Variants in METTL3 observed in about 807,000 individuals in gnomAD.
METTL3 encodes methyltransferase 3, N6-adenosine-methyltransferase complex catalytic subunit, also known as N(6)-adenosine-methyltransferase catalytic subunit METTL3.
METTL3 carries 42 observed loss-of-function variants against 64.3 expected under a neutral mutation model. That is an observed-to-expected ratio of 0.65 (90% CI 0.51 to 0.84). The LOEUF is 0.84. Among genes scored for constraint, METTL3 ranks in the 40% least tolerant of loss-of-function variants. METTL3 has a pLI of 0.00. For synonymous variants in METTL3, 256 were observed against 263.6 expected (o/e 0.97, Z 0.28); for missense variants, 435 against 722.3 (o/e 0.60, Z 4.56).
intron 1 of METTL3, among the ~76,000 whole-genome samples, chr14:21,509,136 T>C (rs370102550): frequency 2.0e-5 from 3 of 151,956 alleles, no homozygotes; most frequent in Non-Finnish European, 4.4e-5. Flanking sequence ...GCTCAGGAGT[T>C]AGAGATCAGC....
chr14:21,504,551 G>A (rs1283428649), intron 1 of METTL3: 1 of 152,256 alleles, frequency 6.6e-6, no homozygotes, highest in Non-Finnish European at 1.5e-5. Flanking sequence ...AAATATAGAT[G>A]AAATATTAAA....
chr14:21,498,323 C>G lies in METTL3; in HGVS notation c.1678G>C (p.Asp560His). The change falls in exon 11 of 11, where the codon GAT becomes CAT. Residue 560 changes from aspartate to histidine, a missense_variant. Physicochemically the swap from Asp to His is moderately conservative, Grantham distance 81 (BLOSUM62 -1). Coordinates refer to ENST00000298717, the MANE Select transcript of METTL3 (RefSeq NM_019852.5). ...QLDGIHLLDPDVVARFKQRYP... is the reference protein window; with the variant it reads ...QLDGIHLLDPHVVARFKQRYP... ...CTTTGCTTGAACCGTGCAACCACAT[C>G]TGGGTCTAGTAGGTGGATCCCATCC... 6.2e-7 allele frequency: 1 copy of G among 1,614,170 alleles called. No homozygotes were observed. Among genetic ancestry groups the G allele is most frequent in the Non-Finnish European group, 8.5e-7 (1 of 1,180,028 alleles).
intron 6 of METTL3, 111 bp from the exon 7 acceptor site, chr14:21,499,913 A>T: frequency 1.1e-6 from 1 of 941,598 alleles, no homozygotes; most frequent in Non-Finnish European, 1.7e-6. Context: ...CGCTCAGTGA[A>T]CATTTACATG....
chr14:21,511,254 T>C lies in METTL3; in HGVS notation c.-31A>G. 6.2e-7 allele frequency: 1 copy of C among 1,604,718 alleles called. No homozygotes were observed. Among genetic ancestry groups the C allele is most frequent in the Non-Finnish European group, 8.5e-7 (1 of 1,175,870 alleles). On this transcript the variant is annotated 5_prime_UTR_variant, in exon 1 of 11. Coordinates refer to ENST00000298717, the MANE Select transcript of METTL3 (RefSeq NM_019852.5). ...TCTCCCAGCCCTGACACCTCTCGAATAAGGCGCGGCGGACTAGCACCTCCC... is the reference window on the plus strand; with the variant it reads ...TCTCCCAGCCCTGACACCTCTCGAACAAGGCGCGGCGGACTAGCACCTCCC...
At chr14:21,500,301 T>C (rs916766115) in intron 6 of METTL3, among the ~76,000 whole-genome samples, 194 bp downstream of exon 6, 7 of 151,348 alleles carry the variant, frequency 4.6e-5, no homozygotes, top group African/African-American at 1.7e-4. Flanking sequence ...GAGGTGGAGG[T>C]TGCAGTGAGC....
chr14:21,502,341 A>G (rs1401429542), intron 3 of METTL3: 2 of 156,884 alleles, frequency 1.3e-5, no homozygotes, highest in Admixed American at 6.1e-5. Context: ...AGCTAACTTA[A>G]TATTGGAAAA....
chr14:21,499,120 A>T lies in METTL3; in HGVS notation c.1536T>A (p.His512Gln). The T allele has an allele frequency of 6.2e-7, 1 of 1,614,010 alleles. No homozygotes were observed. Among genetic ancestry groups the T allele is most frequent in the Non-Finnish European group, 8.5e-7 (1 of 1,179,884 alleles). ...VIVAEVRSTS[H>Q]KPDEIYGMIE... ...TCATGCCATAGATTTCATCTGGTTT[A>T]TGACTGGTGGAACGAACCTAGGAAA... Residue 512 changes from histidine to glutamine, a missense_variant, in exon 10 of 11, where the codon CAT becomes CAA. This residue lies in a region of METTL3 where 38 missense variants were observed against 102.3 expected (regional missense o/e 0.37). Coordinates refer to ENST00000298717, the MANE Select transcript of METTL3 (RefSeq NM_019852.5).
intron 6 of METTL3, 132 bp downstream of exon 6, chr14:21,500,361 CAA>C (rs3838362): frequency 0.51 from 439,963 of 870,832 alleles, 113,098 homozygotes; most frequent in East Asian, 0.58. Context: ...GAGACTCTCT[CAA>C]AAAAAAAGAA....
Position 21,503,806 on chromosome 14 carries a change from C to A in METTL3, c.176G>T (p.Gly59Val). The change falls in exon 2 of 11, where the codon GGT becomes GTT. Residue 59 changes from glycine (G) to valine (V), a missense_variant. Transcript: ENST00000298717. ...TGAAGCTGTGCTGGGCTTAGGGCCA[C>A]CAGAGGTGGGTGCAGTAGGCACTGG... ...DSPVPTAPTS[G>V]GPKPSTASAV... 1 of 1,614,184 alleles carries A rather than the reference C, an allele frequency of 6.2e-7. No individual in the cohort carries two copies.
chr14:21,500,791 C>T (rs770413608), intron 5 of METTL3, 109 bp from the exon 6 acceptor site: 1 of 1,404,304 alleles, frequency 7.1e-7, no homozygotes, highest in Admixed American at 2.1e-5. Flanking sequence ...CTTATCTATC[C>T]CCCTCCATTC....
At position 21,503,476 on chromosome 14, in the gene METTL3, T is replaced by C; in HGVS notation, c.420A>G (p.Ala140=). Residue 140 remains alanine, a synonymous_variant, in exon 3 of 11, where the codon GCA becomes GCG. Coordinates refer to ENST00000298717, the MANE Select transcript of METTL3 (RefSeq NM_019852.5). Reference sequence around the variant, plus strand: ...CAGCATAGGTTACAAGAGTAGGATGTGCATCATCTTGTAGGAGACCTCGCT... The same window carrying C: ...CAGCATAGGTTACAAGAGTAGGATGCGCATCATCTTGTAGGAGACCTCGCT... ...EVKRGLLQDD[A]HPTLVTYADH... is the part of the protein sequence containing the mutation. 1 of 1,613,156 alleles carries C rather than the reference T, an allele frequency of 6.2e-7. No individual in the cohort carries two copies. The highest frequency in any genetic ancestry group is 8.5e-7 in the Non-Finnish European group (1 of 1,180,034).
rs759537978 is a variant in METTL3 at position 21,503,594 on chromosome 14, G to A, written c.319-17C>T. The stretch of plus-strand genomic sequence containing the variant: ...AGCATCTGGCTAGAGAACGAGGGGA[G>A]GTATGGGCAATAAGACACTGACCGT... On this transcript the variant is annotated splice_polypyrimidine_tract_variant and intron_variant, in intron 2 of 10. Transcript: ENST00000298717. The A allele has an allele frequency of 1.2e-6, 2 of 1,613,116 alleles. No individual in the cohort carries two copies. Among genetic ancestry groups the A allele is most frequent in the Non-Finnish European group, 1.7e-6 (2 of 1,179,376 alleles).
intron 1 of METTL3, chr14:21,504,175 T>G: frequency 2.8e-6 from 1 of 357,220 alleles, no homozygotes; most frequent in Non-Finnish European, 5.3e-6. Context: ...TAGATTTAAA[T>G]ATCCCTACCA....
chr14:21,506,495 A>G (rs976785096), intron 1 of METTL3, among the ~76,000 whole-genome samples: 10 of 152,214 alleles, frequency 6.6e-5, no homozygotes, highest in Admixed American at 5.9e-4. Context: ...TGGAGCTTGC[A>G]GTGAGCCGAG....
At chr14:21,509,306 C>T (rs892354703) in intron 1 of METTL3, among the ~76,000 whole-genome samples, 1 of 152,238 alleles carries the variant, frequency 6.6e-6, no homozygotes, top group African/African-American at 2.4e-5. Context: ...TGCCACAGCA[C>T]TCCAGCCTGG....
Position 21,503,260 on chromosome 14 carries a change from T to G in METTL3, c.636A>C (p.Lys212Asn). Reference sequence around the variant, plus strand: ...CATCTGAGGCAGCATGTTTCCTTGATTTCTTGGCTGGCTCCTTTGCTGGTT... The same window carrying G: ...CATCTGAGGCAGCATGTTTCCTTGAGTTCTTGGCTGGCTCCTTTGCTGGTT... ...ASEPAKEPAK[K>N]SRKHAASDVD... Residue 212 changes from lysine (K) to asparagine (N), a missense_variant, in exon 3 of 11, where the codon AAA (lysine) becomes AAC (asparagine). Lys to Asn is a moderately conservative substitution (Grantham distance 94, BLOSUM62 0). Coordinates refer to ENST00000298717, the MANE Select transcript of METTL3 (RefSeq NM_019852.5). 6.2e-7 allele frequency: 1 copy of G among 1,614,214 alleles called. No homozygotes were observed. The highest frequency in any genetic ancestry group is 2.2e-5 in the East Asian group (1 of 44,884).
rs1252879491 is a variant in METTL3, at chr14:21,506,072, G to A, written c.101-2191C>T. Among the ~76,000 whole-genome samples, 7 of 151,134 alleles carry A rather than the reference G, an allele frequency of 4.6e-5. No homozygotes were observed. The East Asian group carries it at 7.7e-4, about 17-fold the overall frequency. On this transcript the variant is annotated intron_variant, in intron 1 of 10. Coordinates refer to ENST00000298717, the MANE Select transcript of METTL3 (RefSeq NM_019852.5). ...AAAATAAAGTTTTTTTTTTTGAGACGGAGTCTTGCTCTGTTGCCAAGGCCA... is the reference window on the plus strand; with the variant it reads ...AAAATAAAGTTTTTTTTTTTGAGACAGAGTCTTGCTCTGTTGCCAAGGCCA...
chr14:21,503,399 G>A lies in METTL3; in HGVS notation c.497C>T (p.Pro166Leu), dbSNP rs772166596. 1.9e-6 allele frequency: 3 copies of A among 1,614,122 alleles called. No individual in the cohort carries two copies. Among genetic ancestry groups the A allele is most frequent in the Non-Finnish European group, 8.5e-7 (1 of 1,180,012 alleles). Reference sequence around the variant, plus strand: ...TGTGACAGTCCCTGCTACCTCCCCAGGGCCCTTCTTTTCTGCCACAGCACC... The same window carrying A: ...TGTGACAGTCCCTGCTACCTCCCCAAGGCCCTTCTTTTCTGCCACAGCACC... ...MMGAVAEKKG[P>L]GEVAGTVTGQ... is the part of the protein sequence containing the mutation. The change falls in exon 3 of 11, where the codon CCT becomes CTT. Residue 166 changes from proline (P) to leucine (L), a missense_variant. Around this residue, in one of 9 missense-constraint regions of METTL3, gnomAD observed 228 missense variants for 279.6 expected, o/e 0.82. Coordinates refer to ENST00000298717, the MANE Select transcript of METTL3 (RefSeq NM_019852.5).
rs1230279458 is a variant in METTL3 at position 21,503,499 on chromosome 14, G to A, written c.397C>T (p.Arg133Ter). The A allele has an allele frequency of 3.7e-6, 6 of 1,612,056 alleles. No homozygotes were observed. The highest frequency in any genetic ancestry group is 1.7e-5 in the Admixed American group (1 of 60,014). Reference protein sequence around the residue: ...FAAQELIEVKRGLLQDDAHPT... With the variant: ...FAAQELIEVK ...TGTGCATCATCTTGTAGGAGACCTCGCTTTACCTCAATCAACTCCTGAGCT... is the reference window on the plus strand; with the variant it reads ...TGTGCATCATCTTGTAGGAGACCTCACTTTACCTCAATCAACTCCTGAGCT... Residue 133 changes from arginine to a stop codon, truncating the protein, a stop_gained, in exon 3 of 11, where the codon CGA (arginine) becomes TGA (stop). Transcript: ENST00000298717. LOFTEE classifies it high-confidence loss of function.
Sources: gnomAD v4.1 joint callset for allele counts (sites outside exome capture counted in the v4.1 genomes callset) on GRCh38, gnomAD v4.1.1 for gene constraint, gnomAD v4.1.1 regional missense constraint, MANE v1.5 for transcripts, NCBI Gene and HGNC (gene_info 2026-07-23, HGNC 2026-07-21) for gene names.